Variants in STAB1 observed in about 807,000 individuals in gnomAD.
The protein encoded by STAB1 is stabilin-1.
A neutral mutation model predicts 332.4 loss-of-function variants in STAB1; 250 were observed. The observed-to-expected ratio is 0.75, with a 90% confidence interval of 0.68 to 0.84. STAB1 has a LOEUF of 0.84. Ranked by LOEUF, STAB1 falls within the 40% of genes least tolerant of loss-of-function variation. The pLI, the probability that STAB1 is intolerant of heterozygous loss-of-function variation, is 0.00. For missense variants in STAB1, 3,249 were observed against 3,489.7 expected, an observed-to-expected ratio of 0.93 and a Z score of 1.74; for synonymous variants, 1,475 against 1,390.4, an observed-to-expected ratio of 1.06 and a Z score of -1.35.
At chr3:52,500,892 G>A (rs114012684) in intron 1 of STAB1, among the ~76,000 whole-genome samples, 2 of 152,294 alleles carry the variant, frequency 1.3e-5, no homozygotes, top group East Asian at 1.9e-4. Context: ...CTTCTGGGCC[G>A]GGCACATAAG....
Position 52,501,315 on chromosome 3 carries a change from CCT to C in STAB1, c.215+14_215+15del, listed in dbSNP as rs1275860258. ...CCCAGGACTGCCGGTGCGGGCCACC[CCT>C]GTCCTTGCCTGTGTCCAGGAGCATC... On this transcript the variant is annotated intron_variant, in intron 2 of 68. Transcript: ENST00000321725. 2 of 1,610,722 alleles carry C rather than the reference CCT, an allele frequency of 1.2e-6. No homozygotes were observed. The highest frequency in any genetic ancestry group is 1.7e-6 in the Non-Finnish European group (2 of 1,178,192).
At position 52,512,991 on chromosome 3, in the gene STAB1, C is replaced by T. The variant is rs372611137; in HGVS notation, c.3158+33C>T. 8 of 1,599,384 alleles carry T rather than the reference C, an allele frequency of 5.0e-6. No homozygotes were observed. The African/African-American group carries it at 1.1e-4, about 21-fold the overall frequency. Reference sequence around the variant, plus strand: ...CGCCATTGCCAGGCTGTGGGAGGGGCTTCCTTGAGGGACCCAGTCCCTCCC... The same window carrying T: ...CGCCATTGCCAGGCTGTGGGAGGGGTTTCCTTGAGGGACCCAGTCCCTCCC... On this transcript the variant is annotated intron_variant, in intron 29 of 68. Coordinates refer to ENST00000321725, the MANE Select transcript of STAB1 (RefSeq NM_015136.3).
chr3:52,499,980 G>A (rs1008881619), intron 1 of STAB1, among the ~76,000 whole-genome samples: 2 of 150,822 alleles, frequency 1.3e-5, no homozygotes, highest in African/African-American at 2.4e-5. Context: ...GGCTGAGGCA[G>A]GAGGATCGCC....
chr3:52,507,897 C>T, intron 19 of STAB1, 34 bp from the exon 20 acceptor site: 1 of 1,596,758 alleles, frequency 6.3e-7, no homozygotes, highest in Non-Finnish European at 8.6e-7. Flanking sequence ...CCAGAACCCA[C>T]ACCCACTGAC....
In STAB1 at chr3:52,521,098, G is replaced by A. The variant is rs533963072; in HGVS notation, c.5908+93G>A. Reference sequence around the variant, plus strand: ...ATTGTCCTTGAGAGAGTGTTGGGGCGTCCAGGGCTGGGGAGCTCTGGGTGG... The same window carrying A: ...ATTGTCCTTGAGAGAGTGTTGGGGCATCCAGGGCTGGGGAGCTCTGGGTGG... On this transcript the variant is annotated intron_variant, in intron 55 of 68. Coordinates refer to ENST00000321725, the MANE Select transcript of STAB1 (RefSeq NM_015136.3). 1.6e-3 allele frequency: 2,202 copies of A among 1,405,050 alleles called. 3 individuals carry two copies. The highest frequency in any genetic ancestry group is 1.9e-3 in the Non-Finnish European group (1,991 of 1,062,406). 87.0% of individuals were successfully genotyped at this position (1,405,050 alleles called of 1,614,324 possible).
At chr3:52,522,962 CT>C in intron 62 of STAB1, 22 bp downstream of exon 62, 1 of 1,607,978 alleles carries the variant, frequency 6.2e-7, no homozygotes, top group Non-Finnish European at 8.5e-7. Context: ...CGACCAAACC[CT>C]ACTTCCCCTG....
At position 52,520,851 on chromosome 3, in the gene STAB1, C is replaced by G; in HGVS notation, c.5754C>G (p.Ser1918=). Residue 1918 remains serine (S), a synonymous_variant, in exon 55 of 69, where the codon TCC becomes TCG. Transcript: ENST00000321725. ...GCTTCTACCCGAAGTTCTGGACGTC[C>G]CCTCCGCTGCACTCTTTGGGATTAC... ...CWRFYPKFWT[S]PPLHSLGLRS... 6.2e-7 allele frequency: 1 copy of G among 1,612,842 alleles called. No homozygotes were observed. Among genetic ancestry groups the G allele is most frequent in the Non-Finnish European group, 8.5e-7 (1 of 1,180,022 alleles).
chr3:52,501,396 G>A, intron 2 of STAB1, 94 bp downstream of exon 2: 3 of 1,540,190 alleles, frequency 1.9e-6, no homozygotes, highest in Non-Finnish European at 2.6e-6. Flanking sequence ...ATGAGGAGAA[G>A]CACTCACTTA....
chr3:52,519,471 C>A, intron 49 of STAB1, 34 bp from the exon 50 acceptor site: 4 of 1,612,852 alleles, frequency 2.5e-6, no homozygotes, highest in Non-Finnish European at 3.4e-6. Context: ...TCCCTTCCCG[C>A]CTGGCCTAGC....
At chr3:52,508,901 G>C (rs1709087121) in intron 21 of STAB1, among the ~76,000 whole-genome samples, 3 of 152,128 alleles carry the variant, frequency 2.0e-5, no homozygotes, top group African/African-American at 7.2e-5. Flanking sequence ...AAGGCTACTT[G>C]GTGGTTTTCT....
chr3:52,505,579 C>T (rs1048317997), intron 14 of STAB1, 89 bp from the exon 15 acceptor site: 2 of 1,374,172 alleles, frequency 1.5e-6, no homozygotes, highest in African/African-American at 1.4e-5. Context: ...GTGGGAGTTT[C>T]CTGCAGGCCA....
At position 52,523,571 on chromosome 3, in the gene STAB1, C is replaced by T; in HGVS notation, c.7285C>T (p.Pro2429Ser). 1 of 1,612,798 alleles carries T rather than the reference C, an allele frequency of 6.2e-7. No homozygotes were observed. The change falls in exon 65 of 69, where the codon CCT becomes TCT. Residue 2429 changes from proline (P) to serine (S), a missense_variant. Pro to Ser is a moderately conservative substitution (Grantham distance 74). Transcript: ENST00000321725. Reference protein sequence around the residue: ...DAGPDNSSWAPVAPGTVVVSR... With the variant: ...DAGPDNSSWASVAPGTVVVSR... ...AGGCCCTGACAACAGTTCCTGGGCC[C>T]CTGTGGTGAGTCTGGCCACTGTCCC...
chr3:52,500,130 G>C (rs562022491), intron 1 of STAB1, among the ~76,000 whole-genome samples: 5 of 152,148 alleles, frequency 3.3e-5, no homozygotes, highest in African/African-American at 9.6e-5. Context: ...CCTCACCCAG[G>C]TTTACGGAGC....
rs775359282 is a variant in STAB1, at chr3:52,508,008, C to T, written c.2130C>T (p.Tyr710=). ...TGCTAAAGAAGGGCTGTGCCAGCTACTGCAACCAAACCATCATGGTAAGCG... is the reference window on the plus strand; with the variant it reads ...TGCTAAAGAAGGGCTGTGCCAGCTATTGCAACCAAACCATCATGGTAAGCG... ...LNVLKKGCAS[Y]CNQTIMEQGC... The change falls in exon 20 of 69, where the codon TAC becomes TAT. Residue 710 remains tyrosine (Y), a synonymous_variant. Coordinates refer to ENST00000321725, the MANE Select transcript of STAB1 (RefSeq NM_015136.3). The T allele has an allele frequency of 1.9e-6, 3 of 1,613,498 alleles. No individual in the cohort carries two copies. Among genetic ancestry groups the T allele is most frequent in the Admixed American group, 1.7e-5 (1 of 59,992 alleles).
At chr3:52,506,496 G>A (rs935963774) in intron 17 of STAB1, among the ~76,000 whole-genome samples, 196 bp from the exon 18 acceptor site, 1 of 152,376 alleles carries the variant, frequency 6.6e-6, no homozygotes, top group Non-Finnish European at 1.5e-5. Flanking sequence ...CAGAAGCCAT[G>A]TGGGTAAGGA....
rs1377285027 is a variant in STAB1 at position 52,518,542 on chromosome 3, A to G, written c.4816A>G (p.Lys1606Glu). Residue 1606 changes from lysine (K) to glutamate (E), a missense_variant, in exon 47 of 69, where the codon AAG (lysine) becomes GAG (glutamate). Transcript: ENST00000321725. ...CTGTTGCTGCCTCCCGCAGGAATAT[A>G]AGGAGCTCAAGGGCGATGGGCCTTT... The part of the protein sequence containing the change: ...SFFSLRLLEY[K>E]ELKGDGPFTI... 1 of 1,588,606 alleles carries G rather than the reference A, an allele frequency of 6.3e-7. No homozygotes were observed. The highest frequency in any genetic ancestry group is 1.8e-5 in the Admixed American group (1 of 56,136).
intron 55 of STAB1, 148 bp downstream of exon 55, chr3:52,521,153 G>C (rs1278493631): frequency 7.5e-6 from 9 of 1,194,414 alleles, no homozygotes; most frequent in Non-Finnish European, 9.1e-6. Context: ...GGAGTGCTCG[G>C]GAGAGGCATG....
Position 52,511,510 on chromosome 3 carries a change from T to C in STAB1, c.2788-140T>C, listed in dbSNP as rs560896460. On this transcript the variant is annotated intron_variant, in intron 25 of 68. Coordinates refer to ENST00000321725, the MANE Select transcript of STAB1 (RefSeq NM_015136.3). ...TCTCCCCATCTGGAGCACAGATCTC[T>C]GAGAGGAGGGCTGGGAGAAGTTCCT... 71 of 653,262 alleles carry C rather than the reference T, an allele frequency of 1.1e-4. No homozygotes were observed. In the African/African-American group the frequency reaches 1.2e-3, roughly 11 times the overall value. The allele number at this position is 653,262 out of a possible 1,614,324, so 40.5% of individuals were successfully genotyped here. A position where few individuals can be genotyped will look rare whatever the true frequency, so the allele number is the denominator to read the frequency against.
chr3:52,501,944 T>C (rs1708478845), intron 3 of STAB1, 62 bp from the exon 4 acceptor site: 3 of 1,595,660 alleles, frequency 1.9e-6, no homozygotes, highest in South Asian at 1.1e-5. Flanking sequence ...TGGCCAGAGC[T>C]GCTGGGGTCA....
Sources: gnomAD v4.1 joint callset for allele counts (sites outside exome capture counted in the v4.1 genomes callset) on GRCh38, gnomAD v4.1.1 for gene constraint, MANE v1.5 for transcripts, NCBI Gene and HGNC (gene_info 2026-07-23, HGNC 2026-07-21) for gene names.